Variants in ETV4 observed in about 807,000 individuals in gnomAD.
ETV4 encodes ETS variant transcription factor 4.
In ETV4, 42 loss-of-function variants were observed where a neutral mutation model predicts 65.9. The ratio of observed to expected loss-of-function variants is 0.64; its 90% CI spans 0.50 to 0.82. The LOEUF is 0.82. Ranked by LOEUF, ETV4 falls within the 40% of genes least tolerant of loss-of-function variation. The pLI is 0.00. For synonymous variants in ETV4, 238 were observed against 260.0 expected (o/e 0.92, Z 0.81); for missense variants, 583 against 630.3 (o/e 0.92, Z 0.80).
intron 6 of ETV4, 123 bp from the exon 7 acceptor site, chr17:43,533,471 G>A: frequency 1.1e-6 from 1 of 932,434 alleles, no homozygotes; most frequent in Non-Finnish European, 1.6e-6. Flanking sequence ...AGGGGGCTGA[G>A]AAGGGAACGG....
chr17:43,541,408 T>C (rs1971514853), intron 4 of ETV4, among the ~76,000 whole-genome samples: 1 of 152,110 alleles, frequency 6.6e-6, no homozygotes, highest in African/African-American at 2.4e-5. Context: ...TCCATCCCGG[T>C]ACTAAGATGG....
At chr17:43,530,006 CAG>C (rs919962755) in intron 9 of ETV4, 54 bp from the exon 10 acceptor site, 10 of 1,612,206 alleles carry the variant, frequency 6.2e-6, no homozygotes, top group African/African-American at 1.3e-5. Flanking sequence ...GATGAGACCC[CAG>C]AGAGTCCAGA....
intron 5 of ETV4, among the ~76,000 whole-genome samples, chr17:43,535,939 C>T (rs151033131): frequency 0.016 from 2,362 of 152,236 alleles, 64 homozygotes; most frequent in African/African-American, 0.053. Flanking sequence ...GGTGAAACCC[C>T]ATCTCTACTA....
In ETV4 at chr17:43,532,789, G is replaced by A. The variant is rs1971016290; in HGVS notation, c.696C>T (p.Pro232=). The A allele has an allele frequency of 2.5e-6, 4 of 1,613,920 alleles. No homozygotes were observed. Among genetic ancestry groups the A allele is most frequent in the African/African-American group, 1.3e-5 (1 of 74,878 alleles). The part of the protein sequence containing the change: ...QQSFKQEYHD[P]LYEQAGQPAV... ...CTGGCTGGCCCGCCTGTTCATACAG[G>A]GGATCATGGTATTCTTGCTTAAAGC... is the stretch of plus-strand genomic sequence containing the variant. Residue 232 remains proline, a synonymous_variant, in exon 8 of 13, where the codon CCC becomes CCT. Transcript: ENST00000319349.
chr17:43,530,076 G>T, intron 9 of ETV4, 31 bp downstream of exon 9: 1 of 1,610,056 alleles, frequency 6.2e-7, no homozygotes, highest in South Asian at 1.1e-5. Flanking sequence ...CCAACATGGA[G>T]GGCTTGGCAG....
Position 43,533,488 on chromosome 17 carries a change from C to A in ETV4, c.384-140G>T, listed in dbSNP as rs1598202012. 3.4e-5 allele frequency: 28 copies of A among 817,080 alleles called. No individual in the cohort carries two copies. The South Asian group carries it at 5.1e-4, about 15-fold the overall frequency. 50.6% of individuals were successfully genotyped at this position (817,080 alleles called of 1,614,324 possible). A position where few individuals can be genotyped will look rare whatever the true frequency, so the allele number is the denominator to read the frequency against. The stretch of plus-strand genomic sequence containing the variant: ...GGGGCTGAGAAGGGAACGGCAGGAG[C>A]CACAGACTCAGCCCTAGCCAATTCT... On this transcript the variant is annotated intron_variant, in intron 6 of 12. Coordinates refer to ENST00000319349, the MANE Select transcript of ETV4 (RefSeq NM_001079675.5).
intron 8 of ETV4, among the ~76,000 whole-genome samples, chr17:43,532,388 A>G (rs1970988746): frequency 1.3e-5 from 2 of 151,944 alleles, no homozygotes; most frequent in Admixed American, 6.6e-5. Context: ...AATCCCAGGT[A>G]CTCGGGAGGC....
chr17:43,534,443 G>A (rs577153260), intron 5 of ETV4, among the ~76,000 whole-genome samples: 12 of 152,264 alleles, frequency 7.9e-5, no homozygotes, highest in Non-Finnish European at 1.0e-4. Context: ...GCAGTGAGCC[G>A]AGATCATGCC....
In ETV4 at chr17:43,545,934, C is replaced by CGT. The variant is rs531139204; in HGVS notation, c.-52+249_-52+250dup. 0.072 allele frequency: 19,074 copies of CGT among 263,252 alleles called. 1,333 individuals carry two copies. The highest frequency in any genetic ancestry group is 0.13 in the African/African-American group (5,064 of 38,006). The allele number at this position is 263,252 out of a possible 1,614,324, so 16.3% of individuals were successfully genotyped here. ...TTACCCGGGCTCGGTTACATAAGAA[C>CGT]GTGTGTGTGTGTGTGTGTGTGTGTG... On this transcript the variant is annotated intron_variant, in intron 1 of 12. Transcript: ENST00000319349.
At chr17:43,543,012 G>A (rs1971599658) in intron 4 of ETV4, among the ~76,000 whole-genome samples, 1 of 152,110 alleles carries the variant, frequency 6.6e-6, no homozygotes, top group African/African-American at 2.4e-5. Flanking sequence ...GTGGTGTTGG[G>A]ATGGTGCAGG....
At chr17:43,532,524 T>G in intron 8 of ETV4, 150 bp downstream of exon 8, 1 of 732,872 alleles carries the variant, frequency 1.4e-6, no homozygotes, top group Non-Finnish European at 2.2e-6. Flanking sequence ...GAAAGAAAAA[T>G]AACATTCTTT....
At chr17:43,544,564 T>C (rs1971701510) in intron 4 of ETV4, 1 of 172,200 alleles carries the variant, frequency 5.8e-6, no homozygotes, top group African/African-American at 2.4e-5. Flanking sequence ...CTCTGGAGGA[T>C]GAGTGACAAA....
intron 8 of ETV4, chr17:43,530,412 G>A (rs930862097): frequency 1.4e-6 from 2 of 1,414,578 alleles, no homozygotes; most frequent in Middle Eastern, 2.4e-4. Flanking sequence ...GGCCATGGAA[G>A]GCAGCAGCGG....
chr17:43,536,167 CT>C lies in ETV4; in HGVS notation c.256+258del, dbSNP rs1971233999. The C allele has an allele frequency of 8.1e-6, 4 of 496,208 alleles. No individual in the cohort carries two copies. In the East Asian group the frequency reaches 1.3e-4, roughly 16 times the overall value. The allele number at this position is 496,208 out of a possible 1,614,324, so 30.7% of individuals were successfully genotyped here. On this transcript the variant is annotated intron_variant, in intron 5 of 12. Coordinates refer to ENST00000319349, the MANE Select transcript of ETV4 (RefSeq NM_001079675.5). ...AACACTAGAACTGGACTCTGCTGAA[CT>C]GGCCCAGGCCCCTCACTTCAGATAT... is the stretch of plus-strand genomic sequence containing the variant.
chr17:43,539,062 C>G (rs1971392977), intron 4 of ETV4, among the ~76,000 whole-genome samples: 1 of 152,228 alleles, frequency 6.6e-6, no homozygotes, highest in Admixed American at 6.5e-5. Flanking sequence ...ATTCTTACCT[C>G]CTATGGTCCC....
At position 43,530,354 on chromosome 17, in the gene ETV4, A is replaced by T. The variant is rs949645250; in HGVS notation, c.812-173T>A. 3.4e-6 allele frequency: 5 copies of T among 1,467,458 alleles called. No homozygotes were observed. In the African/African-American group the frequency reaches 5.7e-5, roughly 17 times the overall value. 90.9% of individuals were successfully genotyped at this position (1,467,458 alleles called of 1,614,324 possible). A position where few individuals can be genotyped will look rare whatever the true frequency, so the allele number is the denominator to read the frequency against. On this transcript the variant is annotated intron_variant, in intron 8 of 12. Coordinates refer to ENST00000319349, the MANE Select transcript of ETV4 (RefSeq NM_001079675.5). ...AAAATCCCAGGGAAAGTTCACCCAG[A>T]GGGAGTGTGATGCTGGAACCCCTCC...
intron 10 of ETV4, 51 bp from the exon 11 acceptor site, chr17:43,529,727 A>G: frequency 1.3e-6 from 2 of 1,591,110 alleles, no homozygotes; most frequent in South Asian, 2.3e-5. Flanking sequence ...TTGGTCCCCC[A>G]AGCAACCGCC....
At chr17:43,532,586 A>C (rs1971001877) in intron 8 of ETV4, 88 bp downstream of exon 8, 2 of 1,244,384 alleles carry the variant, frequency 1.6e-6, no homozygotes, top group Non-Finnish European at 2.2e-6. Flanking sequence ...ATGAAATGGT[A>C]AACAGCAATG....
chr17:43,529,303 G>A, intron 11 of ETV4, 67 bp from the exon 12 acceptor site: 4 of 1,515,916 alleles, frequency 2.6e-6, no homozygotes, highest in Non-Finnish European at 3.7e-6. Flanking sequence ...GGTAAGGTCA[G>A]AAAGAGCACT....
Sources: allele counts gnomAD v4.1 joint callset (sites outside exome capture counted in the v4.1 genomes callset), GRCh38; gene constraint gnomAD v4.1.1; transcripts MANE v1.5; gene names NCBI Gene and HGNC (gene_info 2026-07-23, HGNC 2026-07-21).